Variants in TRMO observed in about 807,000 individuals in gnomAD.
TRMO encodes the protein tRNA (adenine(37)-N6)-methyltransferase.
In TRMO, 30 loss-of-function variants were observed where a neutral mutation model predicts 37.2. That is an observed-to-expected ratio of 0.81 (90% confidence interval 0.60 to 1.09). The LOEUF (loss-of-function observed/expected upper bound fraction) is 1.09, where lower values mean the gene tolerates loss of function less well. Among genes scored for constraint, TRMO ranks in the 50% least tolerant of loss-of-function variants. The probability of loss-of-function intolerance (pLI) is 0.00; values close to 1 mark genes in which losing one functional copy is unlikely to be tolerated. For synonymous variants in TRMO, 239 were observed against 199.4 expected (o/e 1.20, Z -1.67); for missense variants, 552 against 549.5 (o/e 1.00, Z -0.05).
At chr9:97,916,575 TA>T (rs1826372602) in intron 1 of TRMO, among the ~76,000 whole-genome samples, 1 of 151,964 alleles carries the variant, frequency 6.6e-6, no homozygotes, top group African/African-American at 2.4e-5. Flanking sequence ...CTAGAAAGAA[TA>T]ATGGTCCAAG....
At chr9:97,899,932 GGTGGCAAACA>G (rs1003775707), downstream of TRMO, among the ~76,000 whole-genome samples, 6 of 152,112 alleles carry the variant, frequency 3.9e-5, no homozygotes, top group Admixed American at 3.9e-4. Flanking sequence ...AGCTGGGCAT[GGTGGCAAACA>G]GTTACTCAGG....
chr9:97,901,504 AG>A (rs1831168548), downstream of TRMO, among the ~76,000 whole-genome samples: 1 of 152,150 alleles, frequency 6.6e-6, no homozygotes, highest in Admixed American at 6.5e-5. Flanking sequence ...GGCACTTTTG[AG>A]TTTTCTTGTA....
downstream of TRMO, among the ~76,000 whole-genome samples, chr9:97,901,727 G>A (rs1587824566): frequency 6.7e-6 from 1 of 149,072 alleles, no homozygotes; most frequent in Non-Finnish European, 1.5e-5. Flanking sequence ...TTCGTGGAAT[G>A]AGCTTGGATG....
chr9:97,899,138 T>C, the TRMO span, among the ~76,000 whole-genome samples: 1 of 152,000 alleles, frequency 6.6e-6, no homozygotes, highest in Non-Finnish European at 1.5e-5. Context: ...GCACCCGGCC[T>C]ATTTTCTCAT....
chr9:97,912,222 G>A lies in TRMO; in HGVS notation c.409+1179C>T, dbSNP rs147637041. The A allele has an allele frequency of 3.3e-5, 5 of 152,308 alleles. No individual in the cohort carries two copies. In the East Asian group the frequency reaches 9.6e-4, roughly 29 times the overall value. 9.4% of individuals were successfully genotyped at this position (152,308 alleles called of 1,614,324 possible). ...CTGCACAAACACTAGTTGCCATAAA[G>A]CTTATATAGTAATGTCTACAGTGCT... On this transcript the variant is annotated intron_variant, in intron 3 of 4. Transcript: ENST00000375119.
chr9:97,896,893 T>G, the TRMO span, among the ~76,000 whole-genome samples: 1 of 152,212 alleles, frequency 6.6e-6, no homozygotes, highest in African/African-American at 2.4e-5. Context: ...ATGTTCCACA[T>G]ATAAAAATAA....
intron 2 of TRMO, among the ~76,000 whole-genome samples, chr9:97,914,904 G>A (rs892144742): frequency 6.6e-6 from 1 of 152,146 alleles, no homozygotes; most frequent in African/African-American, 2.4e-5. Context: ...GGAGAGAGGG[G>A]AGGAAAATAG....
the TRMO span, among the ~76,000 whole-genome samples, chr9:97,897,972 T>C: frequency 6.6e-6 from 1 of 152,304 alleles, no homozygotes; most frequent in Admixed American, 6.5e-5. Context: ...CAAGCAATCC[T>C]TCTGCCTCAG....
intron 2 of TRMO, 102 bp downstream of exon 2, chr9:97,916,062 G>C (rs1826344490): frequency 1.3e-6 from 1 of 749,944 alleles, no homozygotes; most frequent in Non-Finnish European, 2.1e-6. Flanking sequence ...CAAAGATGAG[G>C]GTGGTCTGGA....
chr9:97,913,364 TG>T, intron 3 of TRMO, 36 bp downstream of exon 3: 1 of 1,612,180 alleles, frequency 6.2e-7, no homozygotes, highest in Non-Finnish European at 8.5e-7. Flanking sequence ...CTTTTTTGGG[TG>T]AGGAAAAAGG....
downstream of TRMO, among the ~76,000 whole-genome samples, chr9:97,899,714 T>C (rs528069656): frequency 7.1e-4 from 108 of 152,172 alleles, no homozygotes; most frequent in African/African-American, 2.5e-3. Flanking sequence ...GGCAAAACCC[T>C]GTCTCTACAA....
At chr9:97,906,312 G>A (rs749614128) in intron 4 of TRMO, among the ~76,000 whole-genome samples, 8 of 152,130 alleles carry the variant, frequency 5.3e-5, no homozygotes, top group Non-Finnish European at 1.0e-4. Flanking sequence ...CTGCTTGGCC[G>A]TTTATCTGGC....
At chr9:97,918,635 TC>T (rs1420457434) in intron 1 of TRMO, among the ~76,000 whole-genome samples, 1 of 152,142 alleles carries the variant, frequency 6.6e-6, no homozygotes, top group Non-Finnish European at 1.5e-5. Context: ...AGACTATAGG[TC>T]TGGGGCTGTC....
intron 4 of TRMO, among the ~76,000 whole-genome samples, 165 bp downstream of exon 4, chr9:97,909,795 A>G (rs575926256): frequency 6.6e-6 from 1 of 152,326 alleles, no homozygotes; most frequent in South Asian, 2.1e-4. Context: ...TTGTCCAACA[A>G]AAGTCATCAC....
chr9:97,920,508 A>T (rs1226847072), intron 1 of TRMO, among the ~76,000 whole-genome samples: 2 of 152,236 alleles, frequency 1.3e-5, no homozygotes, highest in Admixed American at 6.5e-5. Flanking sequence ...CTACTTTGGA[A>T]AGCTGTAAAA....
At chr9:97,909,020 T>G (rs1156805757) in intron 4 of TRMO, among the ~76,000 whole-genome samples, 1 of 152,216 alleles carries the variant, frequency 6.6e-6, no homozygotes, top group Non-Finnish European at 1.5e-5. Context: ...AGTGGCAACA[T>G]CTCGGCTCAC....
chr9:97,905,054 A>G, intron 4 of TRMO, 62 bp from the exon 5 acceptor site: 4 of 1,555,772 alleles, frequency 2.6e-6, no homozygotes, highest in South Asian at 2.3e-5. Context: ...AATTACAACA[A>G]ACTTCAATAT....
At chr9:97,902,754 C>T (rs1244313281), downstream of TRMO, among the ~76,000 whole-genome samples, 1 of 152,190 alleles carries the variant, frequency 6.6e-6, no homozygotes, top group East Asian at 1.9e-4. Context: ...CCTGATGAAG[C>T]TTCAAAATAA....
intron 1 of TRMO, among the ~76,000 whole-genome samples, chr9:97,920,119 C>G (rs929079125): frequency 1.1e-4 from 17 of 152,190 alleles, no homozygotes; most frequent in African/African-American, 4.1e-4. Flanking sequence ...ACGACAACAA[C>G]AAAAACCCAA....
Sources: gnomAD v4.1 joint callset for allele counts (sites outside exome capture counted in the v4.1 genomes callset) on GRCh38, gnomAD v4.1.1 for gene constraint, MANE v1.5 for transcripts, NCBI Gene and HGNC (gene_info 2026-07-23, HGNC 2026-07-21) for gene names.